Variants in INHBA observed in about 807,000 individuals in gnomAD.
INHBA encodes the protein inhibin beta A chain.
A neutral mutation model predicts 29.0 loss-of-function variants in INHBA; 1 was observed. The ratio of observed to expected loss-of-function variants is 0.03; its 90% CI spans 0.01 to 0.16. The LOEUF is 0.16. Ranked by LOEUF, INHBA falls within the 10% of genes least tolerant of loss-of-function variation. The probability of loss-of-function intolerance (pLI) is 1.00; values close to 1 mark genes in which losing one functional copy is unlikely to be tolerated. For synonymous variants in INHBA, 242 were observed against 216.8 expected (o/e 1.12, Z -1.02); for missense variants, 376 against 545.4 (o/e 0.69, Z 3.09).
rs566232827 is a variant in INHBA, at chr7:41,686,757, C to T, written c.*2893G>A. On this transcript the variant is annotated 3_prime_UTR_variant, in exon 3 of 3. Transcript: ENST00000242208. ...AACCCCCATGTTATCCCCGATATGTCTAGGACTTAGCTTAAAAAGATAGCA... is the reference window on the plus strand; with the variant it reads ...AACCCCCATGTTATCCCCGATATGTTTAGGACTTAGCTTAAAAAGATAGCA... 2.0e-5 allele frequency: 3 copies of T among 152,258 alleles called. No homozygotes were observed. Among genetic ancestry groups the T allele is most frequent in the African/African-American group, 4.8e-5 (2 of 41,548 alleles). The allele number at this position is 152,258 out of a possible 1,614,324, so 9.4% of individuals were successfully genotyped here.
intron 2 of INHBA, among the ~76,000 whole-genome samples, chr7:41,693,270 T>A (rs1219625458): frequency 6.6e-6 from 1 of 152,140 alleles, no homozygotes; most frequent in Non-Finnish European, 1.5e-5. Context: ...GGGTAACTCA[T>A]CCCCATGAGC....
chr7:41,699,120 C>A (rs1402330305), intron 2 of INHBA, among the ~76,000 whole-genome samples: 1 of 152,172 alleles, frequency 6.6e-6, no homozygotes, highest in Non-Finnish European at 1.5e-5. Context: ...TGCTATTCAG[C>A]AACAGGTTAG....
intron 2 of INHBA, among the ~76,000 whole-genome samples, chr7:41,695,562 A>G (rs1794628078): frequency 6.6e-6 from 1 of 152,206 alleles, no homozygotes; most frequent in Non-Finnish European, 1.5e-5. Context: ...GTTTGGCCAT[A>G]AATTATCTTG....
chr7:41,692,203 C>T (rs1321029672), intron 2 of INHBA: 1 of 152,312 alleles, frequency 6.6e-6, no homozygotes. Flanking sequence ...ATCCTCTTTT[C>T]CATGACCGTG....
At position 41,700,461 on chromosome 7, in the gene INHBA, A is replaced by ATTTT. The variant is rs1173838532; in HGVS notation, c.-91_-88dup. ...CGCGCAGGTTTTTTTGTGTGTGTGG[A>ATTTT]TTTTTTTATTTTTTTTTTTGGTGTT... On this transcript the variant is annotated 5_prime_UTR_variant, in exon 2 of 3. Coordinates refer to ENST00000242208, the MANE Select transcript of INHBA (RefSeq NM_002192.4). 1.9e-5 allele frequency: 21 copies of ATTTT among 1,134,494 alleles called. No individual in the cohort carries two copies. Among genetic ancestry groups the ATTTT allele is most frequent in the Non-Finnish European group, 3.5e-6 (3 of 857,138 alleles). The allele number at this position is 1,134,494 out of a possible 1,614,324, so 70.3% of individuals were successfully genotyped here. A position where few individuals can be genotyped will look rare whatever the true frequency, so the allele number is the denominator to read the frequency against.
upstream of INHBA, among the ~76,000 whole-genome samples, chr7:41,704,776 G>T (rs1435852998): frequency 6.6e-6 from 1 of 152,030 alleles, no homozygotes; most frequent in Admixed American, 6.6e-5. Flanking sequence ...TGGGATCCAT[G>T]ATATGAACCT....
At chr7:41,696,935 T>C (rs1053365965) in intron 2 of INHBA, among the ~76,000 whole-genome samples, 1 of 152,194 alleles carries the variant, frequency 6.6e-6, no homozygotes, top group Non-Finnish European at 1.5e-5. Context: ...TCATTTGTCT[T>C]TCTTTCCCTA....
At chr7:41,701,707 TAA>T (rs909965108) in intron 1 of INHBA, among the ~76,000 whole-genome samples, 3 of 152,176 alleles carry the variant, frequency 2.0e-5, no homozygotes, top group Admixed American at 1.3e-4. Context: ...CATCCTTTTA[TAA>T]AAAGAGTGCA....
intron 2 of INHBA, among the ~76,000 whole-genome samples, chr7:41,690,807 A>G (rs1035509486): frequency 2.6e-5 from 4 of 152,240 alleles, no homozygotes; most frequent in Non-Finnish European, 5.9e-5. Context: ...GCCTGTAAAT[A>G]AAGTTTTGTT....
At chr7:41,690,948 T>C (rs1302680554) in intron 2 of INHBA, among the ~76,000 whole-genome samples, 2 of 152,144 alleles carry the variant, frequency 1.3e-5, no homozygotes, top group Non-Finnish European at 1.5e-5. Flanking sequence ...TGGCCCTTTA[T>C]AGAAAAAAGG....
intron 2 of INHBA, among the ~76,000 whole-genome samples, chr7:41,699,075 C>T (rs1426716785): frequency 6.6e-6 from 1 of 152,180 alleles, no homozygotes; most frequent in African/African-American, 2.4e-5. Context: ...AATAGCCTGG[C>T]TCCAAGTCCA....
At chr7:41,698,841 C>T (rs996123609) in intron 2 of INHBA, among the ~76,000 whole-genome samples, 1 of 152,226 alleles carries the variant, frequency 6.6e-6, no homozygotes, top group Non-Finnish European at 1.5e-5. Flanking sequence ...GTTTATACTG[C>T]TGCGGCAAAC....
chr7:41,690,324 C>T lies in INHBA; in HGVS notation c.607G>A (p.Glu203Lys). 1 of 1,614,076 alleles carries T rather than the reference C, an allele frequency of 6.2e-7. No homozygotes were observed. Among genetic ancestry groups the T allele is most frequent in the Non-Finnish European group, 8.5e-7 (1 of 1,180,008 alleles). Reference sequence around the variant, plus strand: ...ACTACTTTTTCAGAGAGCAACAGTTCACTCCTCTCCCCCTTTAAGCCCACT... The same window carrying T: ...ACTACTTTTTCAGAGAGCAACAGTTTACTCCTCTCCCCCTTTAAGCCCACT... ...EEVGLKGERS[E>K]LLLSEKVVDA... is the part of the protein sequence containing the mutation. The change falls in exon 3 of 3, where the codon GAA becomes AAA. Residue 203 changes from glutamate (E) to lysine (K), a missense_variant. Transcript: ENST00000242208.
At position 41,700,475 on chromosome 7, in the gene INHBA, T is replaced by TTA. The variant is rs1794757106; in HGVS notation, c.-102_-101insTA. 8.5e-7 allele frequency: 1 copy of TTA among 1,180,402 alleles called. No individual in the cohort carries two copies. The highest frequency in any genetic ancestry group is 1.1e-6 in the Non-Finnish European group (1 of 888,406). The allele number at this position is 1,180,402 out of a possible 1,614,324, so 73.1% of individuals were successfully genotyped here. A position where few individuals can be genotyped will look rare whatever the true frequency, so the allele number is the denominator to read the frequency against. On this transcript the variant is annotated 5_prime_UTR_variant, in exon 2 of 3. Transcript: ENST00000242208. ...TGTGTGTGTGGATTTTTTTATTTTT[T>TTA]TTTTTGGTGTTTTTTTTTTCCTTCT...
At chr7:41,698,747 C>G (rs548120310) in intron 2 of INHBA, among the ~76,000 whole-genome samples, 1 of 152,184 alleles carries the variant, frequency 6.6e-6, no homozygotes, top group South Asian at 2.1e-4. Context: ...CGGAAAGATG[C>G]CCTGGTCTTT....
At position 41,700,309 on chromosome 7, in the gene INHBA, G is replaced by A. The variant is rs147747702; in HGVS notation, c.66C>T (p.Pro22=). 3.2e-6 allele frequency: 5 copies of A among 1,568,688 alleles called. No individual in the cohort carries two copies. In the African/African-American group the frequency reaches 4.1e-5, roughly 13 times the overall value. Residue 22 remains proline, a synonymous_variant, in exon 2 of 3, where the codon CCC becomes CCT. Coordinates refer to ENST00000242208, the MANE Select transcript of INHBA (RefSeq NM_002192.4). The part of the protein sequence containing the change: ...ASCWIIVRSS[P]TPGSEGHSAA... ...CGCTGTGCCCCTCGGATCCTGGGGTGGGGGAACTCCTCACTATAATCCAGC... is the reference window on the plus strand; with the variant it reads ...CGCTGTGCCCCTCGGATCCTGGGGTAGGGGAACTCCTCACTATAATCCAGC...
intron 2 of INHBA, among the ~76,000 whole-genome samples, chr7:41,697,108 A>G (rs1794666424): frequency 1.3e-5 from 2 of 152,314 alleles, no homozygotes; most frequent in South Asian, 4.1e-4. Context: ...TCAGCTGAAA[A>G]GGCCACTGAA....
chr7:41,689,336 C>A lies in INHBA; in HGVS notation c.*314G>T. 6.5e-6 allele frequency: 2 copies of A among 306,666 alleles called. No homozygotes were observed. Among genetic ancestry groups the A allele is most frequent in the South Asian group, 9.9e-5 (1 of 10,110 alleles). 19.0% of individuals were successfully genotyped at this position (306,666 alleles called of 1,614,324 possible). On this transcript the variant is annotated 3_prime_UTR_variant, in exon 3 of 3. Coordinates refer to ENST00000242208, the MANE Select transcript of INHBA (RefSeq NM_002192.4). ...AACCTCAAGGGGGGAAAGGACAATA[C>A]CCCGTTTAAACAACTGATGTCATCA...
At chr7:41,698,109 T>C (rs906042878) in intron 2 of INHBA, among the ~76,000 whole-genome samples, 5 of 152,024 alleles carry the variant, frequency 3.3e-5, no homozygotes, top group African/African-American at 1.2e-4. Flanking sequence ...AGTAAAAAAA[T>C]GACAAGATCT....
Sources: gnomAD v4.1 joint callset for allele counts (sites outside exome capture counted in the v4.1 genomes callset) on GRCh38, gnomAD v4.1.1 for gene constraint, MANE v1.5 for transcripts, NCBI Gene and HGNC (gene_info 2026-07-23, HGNC 2026-07-21) for gene names.